The following FAF1 variants were observed in gnomAD, a reference collection of about 807,000 sequenced individuals.
FAF1 encodes Fas associated factor 1, also known as FAS-associated factor 1.
A neutral mutation model predicts 92.5 loss-of-function variants in FAF1; 25 were observed. The ratio of observed to expected loss-of-function variants is 0.27; its 90% confidence interval spans 0.20 to 0.38. The LOEUF is 0.38. Ranked by LOEUF, FAF1 falls within the 10% of genes least tolerant of loss-of-function variation. The pLI is 1.00. For missense variants in FAF1, 636 were observed against 793.3 expected (o/e 0.80, Z 2.38); for synonymous variants, 234 against 273.2 (o/e 0.86, Z 1.42).
intron 1 of FAF1, among the ~76,000 whole-genome samples, chr1:50,889,715 C>T (rs1158105018): frequency 6.6e-6 from 1 of 152,224 alleles, no homozygotes; most frequent in African/African-American, 2.4e-5. Flanking sequence ...TTTGATTGCA[C>T]TGTGGTCTGA....
At chr1:50,752,959 C>T (rs1295513778) in intron 4 of FAF1, among the ~76,000 whole-genome samples, 1 of 152,190 alleles carries the variant, frequency 6.6e-6, no homozygotes, top group East Asian at 1.9e-4. Flanking sequence ...GCTGGGATTA[C>T]AGGTGTGAGC....
chr1:50,673,299 G>C (rs1655980404), intron 7 of FAF1, among the ~76,000 whole-genome samples: 1 of 151,854 alleles, frequency 6.6e-6, no homozygotes, highest in African/African-American at 2.4e-5. Context: ...ATAATGTATT[G>C]CTAATAAAGG....
rs373964123 is a variant in FAF1 at position 50,721,033 on chromosome 1, C to A, written c.552-15142G>T. ...TACATATATAATTAAGTATGTTTTCCTCTTGTTAATCTGTTTTATGTAAAT... is the reference window on the plus strand; with the variant it reads ...TACATATATAATTAAGTATGTTTTCATCTTGTTAATCTGTTTTATGTAAAT... On this transcript the variant is annotated intron_variant, in intron 6 of 18. Coordinates refer to ENST00000396153, the MANE Select transcript of FAF1 (RefSeq NM_007051.3). Among the ~76,000 whole-genome samples the A allele has an allele frequency of 2.6e-5, 4 of 152,082 alleles. 1 individual carries two copies. In the East Asian group the frequency reaches 7.7e-4, roughly 29 times the overall value.
intron 15 of FAF1, among the ~76,000 whole-genome samples, chr1:50,493,564 C>T (rs1445413412): frequency 2.0e-5 from 3 of 152,146 alleles, no homozygotes; most frequent in Non-Finnish European, 4.4e-5. Flanking sequence ...AAAGCACTTA[C>T]CATAATTGTA....
chr1:50,957,062 C>A (rs1645272730), intron 1 of FAF1, among the ~76,000 whole-genome samples: 1 of 152,216 alleles, frequency 6.6e-6, no homozygotes, highest in South Asian at 2.1e-4. Flanking sequence ...CAGGAAGAAT[C>A]ATCACTTTTT....
intron 2 of FAF1, among the ~76,000 whole-genome samples, chr1:50,815,019 C>T (rs898439586): frequency 6.6e-6 from 1 of 152,182 alleles, no homozygotes; most frequent in Non-Finnish European, 1.5e-5. Flanking sequence ...AGCAATTCCA[C>T]TTCTGGGTAT....
rs753401824 is a variant in FAF1, at chr1:50,655,538, G to A, written c.658-10C>T. The A allele has an allele frequency of 3.9e-6, 6 of 1,526,394 alleles. No homozygotes were observed. Among genetic ancestry groups the A allele is most frequent in the Non-Finnish European group, 5.4e-6 (6 of 1,103,032 alleles). The allele number at this position is 1,526,394 out of a possible 1,614,324, so 94.6% of individuals were successfully genotyped here. On this transcript the variant is annotated splice_polypyrimidine_tract_variant and intron_variant, in intron 7 of 18. Transcript: ENST00000396153. ...ACACATTTCTCTTTACCTATGAAAA[G>A]AAAGAAACAGGACAATTAAAATAGA...
At chr1:50,827,789 A>G (rs961280183) in intron 2 of FAF1, among the ~76,000 whole-genome samples, 5 of 152,174 alleles carry the variant, frequency 3.3e-5, no homozygotes, top group Admixed American at 2.6e-4. Flanking sequence ...TACCTAAACC[A>G]ATATCAAAAG....
chr1:50,603,511 ATTACTGAGG>A (rs1306631431), intron 8 of FAF1, among the ~76,000 whole-genome samples: 1 of 152,204 alleles, frequency 6.6e-6, no homozygotes, highest in Non-Finnish European at 1.5e-5. Flanking sequence ...AGCTAAATAG[ATTACTGAGG>A]TAGTTTTAAA....
chr1:50,798,234 G>C (rs1436268176), intron 3 of FAF1, among the ~76,000 whole-genome samples: 3 of 152,116 alleles, frequency 2.0e-5, no homozygotes, highest in Non-Finnish European at 4.4e-5. Flanking sequence ...AAAGCCTAAT[G>C]GTCAAGGTTT....
intron 2 of FAF1, among the ~76,000 whole-genome samples, chr1:50,823,339 A>G (rs1644063452): frequency 6.6e-6 from 1 of 152,220 alleles, no homozygotes. Context: ...TATTGTGAAT[A>G]ATACATGGAC....
At chr1:50,684,988 G>A (rs1413980561) in intron 7 of FAF1, among the ~76,000 whole-genome samples, 1 of 152,140 alleles carries the variant, frequency 6.6e-6, no homozygotes, top group Non-Finnish European at 1.5e-5. Context: ...GTATTTCAAG[G>A]CTAACTCAGG....
intron 2 of FAF1, among the ~76,000 whole-genome samples, chr1:50,805,060 G>A (rs763145934): frequency 1.6e-4 from 25 of 152,052 alleles, no homozygotes; most frequent in Non-Finnish European, 3.4e-4. Context: ...TTTTTGCTAG[G>A]AAGATATTAT....
chr1:50,598,852 C>A (rs1370122686), intron 8 of FAF1, among the ~76,000 whole-genome samples: 1 of 151,992 alleles, frequency 6.6e-6, no homozygotes, highest in Admixed American at 6.5e-5. Context: ...TGCTTGTAAT[C>A]CCAGCTACTT....
chr1:50,836,947 G>GTTT (rs1557551618), intron 2 of FAF1, among the ~76,000 whole-genome samples: 1 of 96,184 alleles, frequency 1.0e-5, no homozygotes, highest in African/African-American at 4.4e-5. Context: ...TGTATGTTAT[G>GTTT]TTTCTTTTTT....
At chr1:50,526,234 T>C in intron 15 of FAF1, among the ~76,000 whole-genome samples, 1 of 151,814 alleles carries the variant, frequency 6.6e-6, no homozygotes, top group South Asian at 2.1e-4. Flanking sequence ...GCTCAAGCAA[T>C]TTGCCTACCT....
At chr1:50,888,995 G>A (rs542561836) in intron 1 of FAF1, among the ~76,000 whole-genome samples, 8 of 152,048 alleles carry the variant, frequency 5.3e-5, no homozygotes, top group African/African-American at 9.7e-5. Flanking sequence ...ATCTGGTCCC[G>A]GACTTTTTTT....
intron 12 of FAF1, among the ~76,000 whole-genome samples, chr1:50,573,129 A>G (rs1187865670): frequency 6.6e-6 from 1 of 150,964 alleles, no homozygotes; most frequent in Non-Finnish European, 1.5e-5. Flanking sequence ...TTTTTGAGAC[A>G]GAGTGTTGCT....
intron 1 of FAF1, among the ~76,000 whole-genome samples, chr1:50,882,437 T>C (rs980825109): frequency 6.6e-6 from 1 of 150,892 alleles, no homozygotes; most frequent in Non-Finnish European, 1.5e-5. Flanking sequence ...CCACTAAAAA[T>C]ACAAAAATTA....
Sources: allele counts gnomAD v4.1 joint callset (sites outside exome capture counted in the v4.1 genomes callset), GRCh38; gene constraint gnomAD v4.1.1; transcripts MANE v1.5; gene names NCBI Gene and HGNC (gene_info 2026-07-23, HGNC 2026-07-21).